Variants in DIAPH3 observed in about 807,000 individuals in gnomAD.
The protein encoded by DIAPH3 is diaphanous related formin 3, also known as protein diaphanous homolog 3.
A neutral mutation model predicts 144.3 loss-of-function variants in DIAPH3; 117 were observed. The ratio of observed to expected loss-of-function variants is 0.81; its 90% CI spans 0.70 to 0.95. The LOEUF (loss-of-function observed/expected upper bound fraction) is 0.95. DIAPH3 is among the 40% of genes least tolerant of loss of function. The probability of loss-of-function intolerance (pLI) is 0.00; values close to 1 mark genes in which losing one functional copy is unlikely to be tolerated. For synonymous variants in DIAPH3, 519 were observed against 488.9 expected, an observed-to-expected ratio of 1.06 and a Z score of -0.81; for missense variants, 1,421 against 1,412.7, an observed-to-expected ratio of 1.01 and a Z score of -0.09.
chr13:60,089,987 C>G (rs1330809962), intron 4 of DIAPH3, among the ~76,000 whole-genome samples: 1 of 152,152 alleles, frequency 6.6e-6, no homozygotes, highest in Non-Finnish European at 1.5e-5. Flanking sequence ...TGCATCACTT[C>G]ACATAATGAA....
In DIAPH3 at chr13:59,912,512, C is replaced by T. The variant is rs77627073; in HGVS notation, c.2266-676G>A. Among the ~76,000 whole-genome samples, 1,284 of 152,182 alleles carry T rather than the reference C, an allele frequency of 8.4e-3. 14 individuals carry two copies. The highest frequency in any genetic ancestry group is 0.013 in the Non-Finnish European group (905 of 67,966). On this transcript the variant is annotated intron_variant, in intron 19 of 27. Transcript: ENST00000400324. ...GCCACACACTTAAACAACAGAACTACTTGAATAAAGATTAAAGGAATACAC... is the reference window on the plus strand; with the variant it reads ...GCCACACACTTAAACAACAGAACTATTTGAATAAAGATTAAAGGAATACAC...
chr13:59,835,237 C>T (rs535155217), intron 23 of DIAPH3, among the ~76,000 whole-genome samples: 1 of 151,862 alleles, frequency 6.6e-6, no homozygotes, highest in South Asian at 2.1e-4. Flanking sequence ...CCACTGTATT[C>T]TAGGCACTAG....
At chr13:59,723,727 C>T (rs746346441) in intron 27 of DIAPH3, among the ~76,000 whole-genome samples, 1 of 151,968 alleles carries the variant, frequency 6.6e-6, no homozygotes, top group Non-Finnish European at 1.5e-5. Context: ...TCTCCTGCCT[C>T]TGCCTCCCAA....
chr13:59,995,023 G>A (rs1210828944), intron 9 of DIAPH3, among the ~76,000 whole-genome samples: 1 of 151,682 alleles, frequency 6.6e-6, no homozygotes, highest in Admixed American at 6.6e-5. Flanking sequence ...GATAGAATGA[G>A]GTAGAAGAAA....
rs140190705 is a variant in DIAPH3, at chr13:59,951,926, G to T, written c.2074+18018C>A. ...TCCAATCCAAAGTATTTATCCAAAA[G>T]AATTGAAAACAGGTATTCAAATACA... On this transcript the variant is annotated intron_variant, in intron 17 of 27. Coordinates refer to ENST00000400324, the MANE Select transcript of DIAPH3 (RefSeq NM_001042517.2). Among the ~76,000 whole-genome samples the T allele has an allele frequency of 3.7e-3, 566 of 152,144 alleles. 2 individuals are homozygous for T. The highest frequency in any genetic ancestry group is 0.012 in the African/African-American group (500 of 41,530).
At chr13:60,064,187 A>C (rs562802183) in intron 4 of DIAPH3, among the ~76,000 whole-genome samples, 18 of 152,286 alleles carry the variant, frequency 1.2e-4, no homozygotes, top group Admixed American at 6.5e-4. Context: ...TGGAATGGTA[A>C]TTGAGCATTG....
At chr13:60,096,172 G>A (rs1247986033) in intron 3 of DIAPH3, among the ~76,000 whole-genome samples, 3 of 152,146 alleles carry the variant, frequency 2.0e-5, no homozygotes, top group Non-Finnish European at 2.9e-5. Context: ...GTTATAAAAC[G>A]TGGGGCAATC....
chr13:59,767,202 T>G (rs775835570), intron 27 of DIAPH3, among the ~76,000 whole-genome samples: 6 of 152,192 alleles, frequency 3.9e-5, no homozygotes, highest in Non-Finnish European at 7.3e-5. Context: ...ACCACCTCGT[T>G]GGATTGTAAC....
intron 24 of DIAPH3, among the ~76,000 whole-genome samples, chr13:59,822,253 T>C (rs1245952529): frequency 6.6e-6 from 1 of 152,112 alleles, no homozygotes; most frequent in African/African-American, 2.4e-5. Context: ...AAAAATATTA[T>C]TTTTATCTCC....
At chr13:59,725,290 T>A (rs916613790) in intron 27 of DIAPH3, among the ~76,000 whole-genome samples, 1 of 152,234 alleles carries the variant, frequency 6.6e-6, no homozygotes, top group Admixed American at 6.5e-5. Flanking sequence ...AAAATTTAGC[T>A]GCTAGTTTCT....
At chr13:59,872,780 T>C (rs2044356980) in intron 21 of DIAPH3, among the ~76,000 whole-genome samples, 1 of 152,192 alleles carries the variant, frequency 6.6e-6, no homozygotes, top group Admixed American at 6.5e-5. Context: ...GGGGTAGTTG[T>C]CTATAAGCCT....
intron 12 of DIAPH3, among the ~76,000 whole-genome samples, chr13:59,989,014 A>G (rs1018254203): frequency 1.3e-5 from 2 of 151,920 alleles, no homozygotes; most frequent in Non-Finnish European, 1.5e-5. Context: ...CCATCCACCA[A>G]TTCTTTCAAA....
intron 27 of DIAPH3, among the ~76,000 whole-genome samples, chr13:59,718,471 G>T (rs1462070983): frequency 1.3e-5 from 2 of 152,040 alleles, no homozygotes; most frequent in Non-Finnish European, 2.9e-5. Context: ...AATGTTACCG[G>T]TCTAAATGAA....
At chr13:59,691,151 C>T (rs1268264455) in intron 27 of DIAPH3, among the ~76,000 whole-genome samples, 1 of 152,006 alleles carries the variant, frequency 6.6e-6, no homozygotes, top group Non-Finnish European at 1.5e-5. Flanking sequence ...CACAGGAAGG[C>T]AGGATGGCTG....
chr13:59,897,477 C>T (rs995302157), intron 20 of DIAPH3, among the ~76,000 whole-genome samples: 7 of 152,126 alleles, frequency 4.6e-5, no homozygotes, highest in Admixed American at 1.3e-4. Context: ...TGGCCGGGCA[C>T]GGTGGCTCAC....
At chr13:59,982,795 C>G (rs1262088039) in intron 13 of DIAPH3, among the ~76,000 whole-genome samples, 2 of 151,620 alleles carry the variant, frequency 1.3e-5, no homozygotes, top group Non-Finnish European at 1.5e-5. Flanking sequence ...ATATCAGGCA[C>G]TGGTCATATG....
In DIAPH3 at chr13:60,010,613, G is replaced by A. The variant is rs753680276; in HGVS notation, c.828C>T (p.Ala276=). The A allele has an allele frequency of 8.7e-6, 14 of 1,613,514 alleles. No individual in the cohort carries two copies. The highest frequency in any genetic ancestry group is 6.6e-5 in the South Asian group (6 of 91,022). ...EERSLSLLAK[A]VDPRHPNMMT... is the part of the protein sequence containing the mutation. ...TCATATTGGGGTGTCTGGGATCCACGGCTTTGGCCAATAAGGAAAGGCTCC... is the reference window on the plus strand; with the variant it reads ...TCATATTGGGGTGTCTGGGATCCACAGCTTTGGCCAATAAGGAAAGGCTCC... The change falls in exon 8 of 28, where the codon GCC becomes GCT. Residue 276 remains alanine (A), a synonymous_variant. Coordinates refer to ENST00000400324, the MANE Select transcript of DIAPH3 (RefSeq NM_001042517.2).
rs1286872758 is a variant in DIAPH3, at chr13:59,983,202, GT to G, written c.1480+566del. Among the ~76,000 whole-genome samples the G allele has an allele frequency of 4.3e-4, 33 of 76,564 alleles. 1 individual carries two copies. The highest frequency in any genetic ancestry group is 1.6e-3 in the African/African-American group (32 of 19,816). The allele number at this position is 76,564 out of a possible 152,430, so 50.2% of individuals were successfully genotyped here. A position where few individuals can be genotyped will look rare whatever the true frequency, so the allele number is the denominator to read the frequency against. On this transcript the variant is annotated intron_variant, in intron 13 of 27. Coordinates refer to ENST00000400324, the MANE Select transcript of DIAPH3 (RefSeq NM_001042517.2). ...CCATCGTCTGTATGAGTCATTCCAA[GT>G]TTAAAAAAAAAAAAAAAAAGGCTTC...
intron 19 of DIAPH3, among the ~76,000 whole-genome samples, chr13:59,912,818 A>G (rs563139023): frequency 6.6e-6 from 1 of 152,284 alleles, no homozygotes; most frequent in South Asian, 2.1e-4. Flanking sequence ...GTTATTAGTT[A>G]AAAATACTGT....
Sources: gnomAD v4.1 joint callset for allele counts (sites outside exome capture counted in the v4.1 genomes callset) on GRCh38, gnomAD v4.1.1 for gene constraint, MANE v1.5 for transcripts, NCBI Gene and HGNC (gene_info 2026-07-23, HGNC 2026-07-21) for gene names.